KCNQ5: variants seen among roughly 807,000 people sequenced by gnomAD.
KCNQ5 encodes potassium voltage-gated channel subfamily Q member 5.
A neutral mutation model predicts 98.2 loss-of-function variants in KCNQ5; 30 were observed. The observed-to-expected ratio is 0.31, with a 90% CI of 0.23 to 0.41. The LOEUF is 0.41. Among genes scored for constraint, KCNQ5 ranks in the 10% least tolerant of loss-of-function variants. The pLI, the probability that KCNQ5 is intolerant of heterozygous loss-of-function variation, is 1.00. For missense variants in KCNQ5, 835 were observed against 1,182.5 expected (o/e 0.71, Z 4.31); for synonymous variants, 458 against 449.4 (o/e 1.02, Z -0.24).
At chr6:72,831,890 G>T (rs910364345) in intron 1 of KCNQ5, among the ~76,000 whole-genome samples, 3 of 152,014 alleles carry the variant, frequency 2.0e-5, no homozygotes, top group African/African-American at 7.2e-5. Flanking sequence ...GTATGTAAAG[G>T]CTGGGAAACA....
intron 1 of KCNQ5, among the ~76,000 whole-genome samples, chr6:72,834,750 A>G (rs894150542): frequency 5.9e-5 from 9 of 152,112 alleles, no homozygotes; most frequent in African/African-American, 2.2e-4. Context: ...ATCTTTCTTA[A>G]CATGCATGTG....
At chr6:73,014,056 G>A (rs1490139616) in intron 2 of KCNQ5, among the ~76,000 whole-genome samples, 4 of 152,094 alleles carry the variant, frequency 2.6e-5, no homozygotes, top group Non-Finnish European at 5.9e-5. Flanking sequence ...TGAGTATCAT[G>A]CTGTTGAAGT....
At chr6:73,176,152 C>CA (rs1778206675) in intron 11 of KCNQ5, among the ~76,000 whole-genome samples, 1 of 152,206 alleles carries the variant, frequency 6.6e-6, no homozygotes, top group Non-Finnish European at 1.5e-5. Context: ...TGGTTTGGAT[C>CA]TGTGTCCTTG....
Position 72,938,556 on chromosome 6 carries a change from T to C in KCNQ5, c.399-65352T>C, listed in dbSNP as rs985763384. On this transcript the variant is annotated intron_variant, in intron 1 of 13. Coordinates refer to ENST00000370398, the MANE Select transcript of KCNQ5 (RefSeq NM_019842.4). The stretch of plus-strand genomic sequence containing the variant: ...CACCACACCCGGCTAATTCTTGTAT[T>C]TTTTTTTTAGTAGAGATGGGGTTTC... Among the ~76,000 whole-genome samples, 3 of 1,042 alleles carry C rather than the reference T, an allele frequency of 2.9e-3. No homozygotes were observed. In the Non-Finnish European group the frequency reaches 0.047, roughly 16 times the overall value. 0.7% of individuals were successfully genotyped at this position (1,042 alleles called of 152,430 possible).
At chr6:72,960,454 G>T (rs1767286642) in intron 1 of KCNQ5, among the ~76,000 whole-genome samples, 1 of 151,834 alleles carries the variant, frequency 6.6e-6, no homozygotes, top group Non-Finnish European at 1.5e-5. Flanking sequence ...TTTTGAGATG[G>T]AGTCTCACGC....
Position 73,192,616 on chromosome 6 carries a change from A to T in KCNQ5, c.1761A>T (p.Arg587=). 5.6e-6 allele frequency: 9 copies of T among 1,612,738 alleles called. No homozygotes were observed. Among genetic ancestry groups the T allele is most frequent in the Non-Finnish European group, 6.8e-6 (8 of 1,179,296 alleles). ...KGQITSDKKS[R]EKITAEHETT... The stretch of plus-strand genomic sequence containing the variant: ...AAATCACATCAGATAAGAAGAGCCG[A>T]GAGAAAATAACAGCAGAACATGAGA... Residue 587 remains arginine, a synonymous_variant, in exon 13 of 14, where the codon CGA becomes CGT. Coordinates refer to ENST00000370398, the MANE Select transcript of KCNQ5 (RefSeq NM_019842.4).
intron 1 of KCNQ5, among the ~76,000 whole-genome samples, chr6:72,798,553 C>T (rs903809088): frequency 1.3e-5 from 2 of 152,146 alleles, no homozygotes; most frequent in Non-Finnish European, 2.9e-5. Flanking sequence ...AACACAGGCC[C>T]CTTGGACTTC....
chr6:73,130,236 C>T (rs1171914128), intron 9 of KCNQ5, among the ~76,000 whole-genome samples: 1 of 152,328 alleles, frequency 6.6e-6, no homozygotes, highest in Middle Eastern at 3.4e-3. Flanking sequence ...ACAATAACTA[C>T]AGCATTCTAA....
intron 1 of KCNQ5, among the ~76,000 whole-genome samples, chr6:72,842,879 G>A: frequency 6.6e-6 from 1 of 152,104 alleles, no homozygotes; most frequent in Non-Finnish European, 1.5e-5. Context: ...GTAGATTCTG[G>A]ATATTAGCCC....
chr6:72,817,259 T>A (rs910306398), intron 1 of KCNQ5, among the ~76,000 whole-genome samples: 5 of 152,196 alleles, frequency 3.3e-5, no homozygotes, highest in Non-Finnish European at 5.9e-5. Flanking sequence ...TACTATATAT[T>A]GAATTAAAAA....
At chr6:72,710,765 T>C (rs1441808245) in intron 1 of KCNQ5, among the ~76,000 whole-genome samples, 1 of 152,064 alleles carries the variant, frequency 6.6e-6, no homozygotes, top group African/African-American at 2.4e-5. Context: ...TACCCCCACT[T>C]TTAACATTGG....
rs1382502842 is a variant in KCNQ5, at chr6:73,195,069, C to A, written c.2454C>A (p.Val818=). 1 of 1,614,096 alleles carries A rather than the reference C, an allele frequency of 6.2e-7. No homozygotes were observed. The highest frequency in any genetic ancestry group is 1.3e-5 in the African/African-American group (1 of 74,934). Residue 818 remains valine, a synonymous_variant, in exon 14 of 14, where the codon GTC becomes GTA. Transcript: ENST00000370398. Reference sequence around the variant, plus strand: ...TGGGAGGAGAAACTCTGTTGTCTGTCTGTCCCATGGTGCCGAAGGACTTGG... The same window carrying A: ...TGGGAGGAGAAACTCTGTTGTCTGTATGTCCCATGGTGCCGAAGGACTTGG... The part of the protein sequence containing the change: ...FDMGGETLLS[V]CPMVPKDLGK...
chr6:72,692,989 G>A (rs1317366160), intron 1 of KCNQ5, among the ~76,000 whole-genome samples: 1 of 152,112 alleles, frequency 6.6e-6, no homozygotes, highest in East Asian at 1.9e-4. Flanking sequence ...TTTATTTTCT[G>A]TAAATTGTTG....
chr6:73,023,710 C>T (rs1770718099), intron 2 of KCNQ5, among the ~76,000 whole-genome samples: 1 of 152,140 alleles, frequency 6.6e-6, no homozygotes, highest in African/African-American at 2.4e-5. Context: ...AGAGTATTAG[C>T]TTACAGCAGT....
At chr6:72,787,118 G>A (rs1773795815) in intron 1 of KCNQ5, among the ~76,000 whole-genome samples, 2 of 151,710 alleles carry the variant, frequency 1.3e-5, no homozygotes, top group East Asian at 1.9e-4. Context: ...CCTGACCTGT[G>A]AGACAAATGC....
chr6:73,108,954 T>C (rs1775116044), intron 6 of KCNQ5, among the ~76,000 whole-genome samples: 1 of 152,230 alleles, frequency 6.6e-6, no homozygotes, highest in African/African-American at 2.4e-5. Flanking sequence ...TTTATTGGTG[T>C]CAGTATTTGA....
chr6:72,686,674 ATTACT>A (rs951938141), intron 1 of KCNQ5, among the ~76,000 whole-genome samples: 1 of 144,326 alleles, frequency 6.9e-6, no homozygotes, highest in African/African-American at 2.6e-5. Context: ...GAAATTATAA[ATTACT>A]TCACTGCCCA....
intron 10 of KCNQ5, among the ~76,000 whole-genome samples, chr6:73,141,486 T>G (rs1037328222): frequency 2.0e-5 from 3 of 152,246 alleles, no homozygotes; most frequent in Non-Finnish European, 4.4e-5. Flanking sequence ...CTAATCCAAG[T>G]GCTCTTTGTA....
chr6:72,950,238 G>A (rs1308126242), intron 1 of KCNQ5, among the ~76,000 whole-genome samples: 3 of 152,100 alleles, frequency 2.0e-5, no homozygotes, highest in Non-Finnish European at 4.4e-5. Context: ...AACTGGTAGC[G>A]TATTCAGTAT....
Sources: gnomAD v4.1 joint callset for allele counts (sites outside exome capture counted in the v4.1 genomes callset) on GRCh38, gnomAD v4.1.1 for gene constraint, MANE v1.5 for transcripts, NCBI Gene and HGNC (gene_info 2026-07-23, HGNC 2026-07-21) for gene names.